CNTN5: variants seen among roughly 807,000 people sequenced by gnomAD.
The protein encoded by CNTN5 is contactin 5, also known as contactin-5.
A neutral mutation model predicts 129.1 loss-of-function variants in CNTN5; 77 were observed. The ratio of observed to expected loss-of-function variants is 0.60; its 90% CI spans 0.50 to 0.72. The LOEUF is 0.72. CNTN5 is among the 30% of genes least tolerant of loss of function. CNTN5 has a pLI of 0.00. For missense variants in CNTN5, 1,478 were observed against 1,328.8 expected, an observed-to-expected ratio of 1.11 and a Z score of -1.75; for synonymous variants, 509 against 465.6, an observed-to-expected ratio of 1.09 and a Z score of -1.20.
chr11:99,587,994 A>T (rs1452852931), intron 3 of CNTN5, among the ~76,000 whole-genome samples: 1 of 152,210 alleles, frequency 6.6e-6, no homozygotes, highest in Admixed American at 6.5e-5. Context: ...ATATGTGGCC[A>T]GTGAGAAAGT....
chr11:100,045,262 G>A (rs556641114), intron 9 of CNTN5, among the ~76,000 whole-genome samples: 1 of 152,168 alleles, frequency 6.6e-6, no homozygotes, highest in African/African-American at 2.4e-5. Flanking sequence ...ATATACCACA[G>A]AAAATTAAGA....
rs1204871151 is a variant in CNTN5, at chr11:99,532,855, T to C, written c.-70-23290T>C. 2.0e-5 allele frequency among the ~76,000 whole-genome samples: 3 copies of C among 152,162 alleles called. No homozygotes were observed. The East Asian group carries it at 5.8e-4, about 29-fold the overall frequency. ...TATGTCTTTATCAGCAGTGTGAAAATGGACTAGTACAGGTATTTAACCAGT... is the reference window on the plus strand; with the variant it reads ...TATGTCTTTATCAGCAGTGTGAAAACGGACTAGTACAGGTATTTAACCAGT... On this transcript the variant is annotated intron_variant, in intron 2 of 24. Coordinates refer to ENST00000524871, the MANE Select transcript of CNTN5 (RefSeq NM_014361.4).
chr11:99,237,929 T>C (rs968844514), intron 1 of CNTN5, among the ~76,000 whole-genome samples: 4 of 152,198 alleles, frequency 2.6e-5, no homozygotes, highest in Non-Finnish European at 5.9e-5. Context: ...TTATTCACTA[T>C]TTTGTTTACT....
intron 9 of CNTN5, among the ~76,000 whole-genome samples, chr11:100,023,700 T>G (rs1081367): frequency 6.6e-6 from 1 of 152,020 alleles, no homozygotes; most frequent in East Asian, 1.9e-4. Context: ...AACCACTGAT[T>G]TTTACACTGT....
intron 1 of CNTN5, among the ~76,000 whole-genome samples, chr11:99,240,608 A>T (rs1189174107): frequency 6.6e-6 from 1 of 151,746 alleles, no homozygotes; most frequent in Admixed American, 6.6e-5. Flanking sequence ...TATGAAAAAA[A>T]TTTCTGGGGT....
intron 13 of CNTN5, among the ~76,000 whole-genome samples, chr11:100,113,001 C>A (rs564635375): frequency 6.6e-6 from 1 of 152,162 alleles, no homozygotes; most frequent in East Asian, 1.9e-4. Context: ...TAACAGAATT[C>A]TTGATTGCTT....
At chr11:99,609,791 A>G (rs1950541116) in intron 3 of CNTN5, among the ~76,000 whole-genome samples, 1 of 152,144 alleles carries the variant, frequency 6.6e-6, no homozygotes, top group Admixed American at 6.6e-5. Flanking sequence ...ACAGAAAAAG[A>G]AACAATATTA....
chr11:99,170,629 CAT>C (rs1209191701), intron 1 of CNTN5, among the ~76,000 whole-genome samples: 1 of 152,138 alleles, frequency 6.6e-6, no homozygotes, highest in Non-Finnish European at 1.5e-5. Flanking sequence ...TTTAAAACAG[CAT>C]ATGTTTCTAG....
chr11:99,370,045 A>T (rs1939732763), intron 2 of CNTN5, among the ~76,000 whole-genome samples: 1 of 152,184 alleles, frequency 6.6e-6, no homozygotes, highest in Admixed American at 6.5e-5. Context: ...TTGACAAAGC[A>T]GTTGAAAAGG....
rs146705324 is a variant in CNTN5, at chr11:99,336,341, C to T, written c.-71+10857C>T. Among the ~76,000 whole-genome samples, 550 of 152,134 alleles carry T rather than the reference C, an allele frequency of 3.6e-3. 3 individuals are homozygous for T. The highest frequency in any genetic ancestry group is 0.011 in the African/African-American group (451 of 41,498). On this transcript the variant is annotated intron_variant, in intron 2 of 24. Transcript: ENST00000524871. ...GGCATGGCCTCAAACGGGTATGCCA[C>T]GCAGGAAATAATCTGTTGTGGAATT...
intron 3 of CNTN5, among the ~76,000 whole-genome samples, chr11:99,790,737 G>A (rs2135432906): frequency 6.6e-6 from 1 of 152,200 alleles, no homozygotes; most frequent in Non-Finnish European, 1.5e-5. Context: ...AGTTCTCTGA[G>A]AAATTGTCAA....
intron 9 of CNTN5, among the ~76,000 whole-genome samples, chr11:100,028,329 A>T (rs1441135927): frequency 6.6e-6 from 1 of 152,172 alleles, no homozygotes; most frequent in Non-Finnish European, 1.5e-5. Flanking sequence ...TATCAGTTCA[A>T]TTATCTGCCA....
At chr11:99,825,396 G>A (rs780849589) in intron 4 of CNTN5, among the ~76,000 whole-genome samples, 8 of 151,788 alleles carry the variant, frequency 5.3e-5, no homozygotes, top group Non-Finnish European at 1.0e-4. Context: ...TGATAATTTT[G>A]TTGTTTCAAA....
chr11:99,751,771 A>C (rs1459241063), intron 3 of CNTN5, among the ~76,000 whole-genome samples: 1 of 152,212 alleles, frequency 6.6e-6, no homozygotes, highest in East Asian at 1.9e-4. Context: ...GTTGCCTTCA[A>C]ACTTCATGTT....
chr11:99,648,194 G>T (rs1003240879), intron 3 of CNTN5, among the ~76,000 whole-genome samples: 2 of 151,788 alleles, frequency 1.3e-5, no homozygotes, highest in African/African-American at 4.8e-5. Flanking sequence ...GTGGTTTTTG[G>T]CTTTTATTCT....
At chr11:99,241,561 T>C (rs1039028155) in intron 1 of CNTN5, among the ~76,000 whole-genome samples, 141 of 152,208 alleles carry the variant, frequency 9.3e-4, no homozygotes, top group African/African-American at 3.3e-3. Context: ...AGGTTACATA[T>C]ACATATATGT....
At chr11:100,262,539 C>T (rs1950220366) in intron 17 of CNTN5, among the ~76,000 whole-genome samples, 1 of 152,104 alleles carries the variant, frequency 6.6e-6, no homozygotes, top group African/African-American at 2.4e-5. Flanking sequence ...TGGAACCAAC[C>T]CAAATGCCCA....
rs192478662 is a variant in CNTN5, at chr11:99,667,205, T to C, written c.55+110936T>C. On this transcript the variant is annotated intron_variant, in intron 3 of 24. Coordinates refer to ENST00000524871, the MANE Select transcript of CNTN5 (RefSeq NM_014361.4). ...AGTGGTATGATAATATTTTTAATTG[T>C]ATGAACTTTATTTTAAATATTTTAC... Among the ~76,000 whole-genome samples the C allele has an allele frequency of 2.5e-3, 382 of 152,250 alleles. 2 individuals carry two copies. Among genetic ancestry groups the C allele is most frequent in the Middle Eastern group, 3.4e-3 (1 of 292 alleles).
intron 3 of CNTN5, among the ~76,000 whole-genome samples, chr11:99,616,224 C>G (rs557785708): frequency 2.2e-4 from 34 of 152,322 alleles, no homozygotes; most frequent in African/African-American, 7.9e-4. Context: ...CTTCCCCTAA[C>G]ATTTGCCATT....
Sources: gnomAD v4.1 joint callset for allele counts (sites outside exome capture counted in the v4.1 genomes callset) on GRCh38, gnomAD v4.1.1 for gene constraint, MANE v1.5 for transcripts, NCBI Gene and HGNC (gene_info 2026-07-23, HGNC 2026-07-21) for gene names.